ATP9A: variants seen among roughly 807,000 people sequenced by gnomAD.
The protein encoded by ATP9A is ATPase phospholipid transporting 9A.
A neutral mutation model predicts 144.1 loss-of-function variants in ATP9A; 52 were observed. The observed-to-expected ratio is 0.36, with a 90% confidence interval of 0.29 to 0.45. The LOEUF (loss-of-function observed/expected upper bound fraction) is 0.45, where lower values mean the gene tolerates loss of function less well. Ranked by LOEUF, ATP9A falls within the 20% of genes least tolerant of loss-of-function variation. The pLI is 1.00. For synonymous variants in ATP9A, 582 were observed against 557.4 expected (o/e 1.04, Z -0.62); for missense variants, 947 against 1,392.7 (o/e 0.68, Z 5.09).
At position 51,597,612 on chromosome 20, in the gene ATP9A, A is replaced by T. The variant is rs748045734; in HGVS notation, c.*3599T>A. 2 of 152,212 alleles carry T rather than the reference A, an allele frequency of 1.3e-5. No homozygotes were observed. The highest frequency in any genetic ancestry group is 2.9e-5 in the Non-Finnish European group (2 of 68,048). The allele number at this position is 152,212 out of a possible 1,614,324, so 9.4% of individuals were successfully genotyped here. A position where few individuals can be genotyped will look rare whatever the true frequency, so the allele number is the denominator to read the frequency against. On this transcript the variant is annotated 3_prime_UTR_variant, in exon 28 of 28. Transcript: ENST00000338821. ...AATAGCTGATAGGTGTTTAAGTAGG[A>T]TGGAGCAGAAGAATGTACATGTCCC...
chr20:51,668,549 A>G (rs2077443424), intron 13 of ATP9A, among the ~76,000 whole-genome samples: 1 of 152,110 alleles, frequency 6.6e-6, no homozygotes, highest in Admixed American at 6.5e-5. Flanking sequence ...AGCCCCAGAG[A>G]CACCAACCCC....
chr20:51,607,647 A>G (rs2077168815), intron 25 of ATP9A, 63 bp from the exon 26 acceptor site: 1 of 1,324,694 alleles, frequency 7.5e-7, no homozygotes, highest in Non-Finnish European at 1.1e-6. Context: ...GCATGCCATC[A>G]GCTTTCACGT....
chr20:51,708,512 G>A (rs1010310331), intron 4 of ATP9A, among the ~76,000 whole-genome samples: 3 of 151,590 alleles, frequency 2.0e-5, no homozygotes, highest in East Asian at 1.9e-4. Context: ...AGGCGGGCGG[G>A]TCACTCGAGC....
At chr20:51,741,942 CT>C (rs2077787029) in intron 1 of ATP9A, among the ~76,000 whole-genome samples, 1 of 152,236 alleles carries the variant, frequency 6.6e-6, no homozygotes, top group South Asian at 2.1e-4. Flanking sequence ...CAAAACGCCA[CT>C]TGTGCCCAGT....
intron 1 of ATP9A, among the ~76,000 whole-genome samples, chr20:51,736,438 G>A (rs2077762813): frequency 1.3e-5 from 2 of 152,154 alleles, no homozygotes; most frequent in Non-Finnish European, 1.5e-5. Context: ...GCAGATAATG[G>A]GTATAGGGTT....
intron 21 of ATP9A, among the ~76,000 whole-genome samples, chr20:51,618,112 C>T (rs150034737): frequency 1.3e-5 from 2 of 151,556 alleles, no homozygotes; most frequent in African/African-American, 2.4e-5. Flanking sequence ...CCCAGCAACT[C>T]GGGAGGCTGA....
chr20:51,629,969 G>A (rs4809857), intron 15 of ATP9A, among the ~76,000 whole-genome samples: 66,391 of 152,170 alleles, frequency 0.44, 15,385 homozygotes, highest in East Asian at 0.68. Context: ...CATACTGTAC[G>A]TAGAGAACAA....
chr20:51,657,285 A>C, intron 13 of ATP9A, 135 bp from the exon 14 acceptor site: 1 of 630,028 alleles, frequency 1.6e-6, no homozygotes, highest in Non-Finnish European at 2.6e-6. Context: ...ATCTACAATG[A>C]TGCTGCAAAT....
rs552656793 is a variant in ATP9A at position 51,611,044 on chromosome 20, G to A, written c.2572-879C>T. Among the ~76,000 whole-genome samples, 29 of 152,090 alleles carry A rather than the reference G, an allele frequency of 1.9e-4. No homozygotes were observed. Among genetic ancestry groups the A allele is most frequent in the South Asian group, 4.2e-4 (2 of 4,812 alleles). On this transcript the variant is annotated intron_variant, in intron 23 of 27. Transcript: ENST00000338821. This position sits in a 1 kb window ranked among gnomAD's most constrained non-coding sequence, Gnocchi z 4.2. Reference sequence around the variant, plus strand: ...CTCTATGGGCTAACAGAGGAAACACGGTCTCCAAGCTGATATCCATTCATA... The same window carrying A: ...CTCTATGGGCTAACAGAGGAAACACAGTCTCCAAGCTGATATCCATTCATA...
rs921550849 is a variant in ATP9A at position 51,651,118 on chromosome 20, A to G, written c.1506+5820T>C. ...CTTCCTGTTTAATTATATGTACTAC[A>G]GCATGATTCTGTACTGGTCCTCTCT... On this transcript the variant is annotated intron_variant, in intron 14 of 27. Coordinates refer to ENST00000338821, the MANE Select transcript of ATP9A (RefSeq NM_006045.3). 9.7e-5 allele frequency among the ~76,000 whole-genome samples: 14 copies of G among 144,638 alleles called. No homozygotes were observed. The South Asian group carries it at 1.3e-3, about 13-fold the overall frequency. The allele number at this position is 144,638 out of a possible 152,430, so 94.9% of individuals were successfully genotyped here.
intron 3 of ATP9A, among the ~76,000 whole-genome samples, chr20:51,718,836 A>C (rs1260011116): frequency 1.9e-5 from 2 of 103,268 alleles, no homozygotes; most frequent in African/African-American, 6.9e-5. Context: ...AAAAAAAAAA[A>C]AAAAAAAAAC....
intron 1 of ATP9A, among the ~76,000 whole-genome samples, chr20:51,747,145 A>G (rs923829465): frequency 6.7e-6 from 1 of 150,026 alleles, no homozygotes; most frequent in Non-Finnish European, 1.5e-5. Flanking sequence ...ACAAAACCTA[A>G]GTCAGGAAGG....
rs78468326 is a variant in ATP9A, at chr20:51,692,376, C to T, written c.643-1557G>A. Among the ~76,000 whole-genome samples the T allele has an allele frequency of 1.2e-3, 189 of 152,242 alleles. 1 individual carries two copies. Among genetic ancestry groups the T allele is most frequent in the African/African-American group, 4.4e-3 (183 of 41,532 alleles). On this transcript the variant is annotated intron_variant, in intron 7 of 27. Transcript: ENST00000338821. ...TTTCAAAGCAGCATATGTGAAGTGG[C>T]GTAAGACAGGCACAGTCAGGGGGAG...
intron 15 of ATP9A, among the ~76,000 whole-genome samples, chr20:51,634,670 A>C (rs1057389984): frequency 1.3e-5 from 2 of 152,006 alleles, no homozygotes; most frequent in African/African-American, 4.8e-5. Context: ...AGCCTGGCCA[A>C]CATGGAGAAA....
chr20:51,632,476 T>C (rs2077273809), intron 15 of ATP9A, among the ~76,000 whole-genome samples: 1 of 152,106 alleles, frequency 6.6e-6, no homozygotes, highest in Non-Finnish European at 1.5e-5. Flanking sequence ...CATAACAGGG[T>C]TTCTCAGGCC....
At chr20:51,716,413 A>G (rs989130068) in intron 3 of ATP9A, among the ~76,000 whole-genome samples, 3 of 151,794 alleles carry the variant, frequency 2.0e-5, no homozygotes, top group Non-Finnish European at 4.4e-5. Flanking sequence ...CCTGGGCAAC[A>G]TAGGGAGACC....
intron 18 of ATP9A, among the ~76,000 whole-genome samples, 198 bp from the exon 19 acceptor site, chr20:51,622,370 AGC>A (rs1266392643): frequency 2.0e-5 from 3 of 152,330 alleles, no homozygotes; most frequent in African/African-American, 7.2e-5. Context: ...CACTGCTGGT[AGC>A]AGCAAAAACT....
chr20:51,649,649 T>A (rs1192093987), intron 14 of ATP9A, among the ~76,000 whole-genome samples: 1 of 152,190 alleles, frequency 6.6e-6, no homozygotes, highest in East Asian at 1.9e-4. Context: ...GTGCAGTAGT[T>A]CACGCCTGTA....
At chr20:51,699,773 G>A (rs1469765739) in intron 4 of ATP9A, among the ~76,000 whole-genome samples, 1 of 152,012 alleles carries the variant, frequency 6.6e-6, no homozygotes, top group East Asian at 1.9e-4. Flanking sequence ...CTCCCGAGTA[G>A]CTGGGACTAC....
Sources: allele counts gnomAD v4.1 joint callset (sites outside exome capture counted in the v4.1 genomes callset), GRCh38; gene constraint gnomAD v4.1.1; non-coding constraint Gnocchi (gnomAD v3.1); transcripts MANE v1.5; gene names NCBI Gene and HGNC (gene_info 2026-07-23, HGNC 2026-07-21).